The following FMO4 variants were observed in gnomAD, a reference collection of about 807,000 sequenced individuals.
FMO4 encodes the protein dimethylaniline monooxygenase [N-oxide-forming] 4.
A neutral mutation model predicts 43.3 loss-of-function variants in FMO4; 38 were observed. The ratio of observed to expected loss-of-function variants is 0.88; its 90% confidence interval spans 0.68 to 1.15. FMO4 has a LOEUF of 1.15. Ranked by LOEUF, FMO4 falls within the 50% of genes most tolerant of loss-of-function variation. The probability of loss-of-function intolerance (pLI) is 0.00; values close to 1 mark genes in which losing one functional copy is unlikely to be tolerated. For missense variants in FMO4, 631 were observed against 663.3 expected (o/e 0.95, Z 0.54); for synonymous variants, 224 against 232.2 (o/e 0.96, Z 0.32).
At position 171,314,222 on chromosome 1, in the gene FMO4, C is replaced by T. The variant is rs922146335; in HGVS notation, c.-342C>T. On this transcript the variant is annotated 5_prime_UTR_variant, in exon 1 of 10. Coordinates refer to ENST00000367749, the MANE Select transcript of FMO4 (RefSeq NM_002022.3). ...CCTTAGTCTGTATACTTTCTGCTGTCACTAGCATAACAGAAAAGACGAATG... is the reference window on the plus strand; with the variant it reads ...CCTTAGTCTGTATACTTTCTGCTGTTACTAGCATAACAGAAAAGACGAATG... 6.6e-6 allele frequency: 1 copy of T among 152,104 alleles called. No homozygotes were observed. The highest frequency in any genetic ancestry group is 2.4e-5 in the African/African-American group (1 of 41,414). The allele number at this position is 152,104 out of a possible 1,614,324, so 9.4% of individuals were successfully genotyped here.
Position 171,324,125 on chromosome 1 carries a change from C to G in FMO4, c.322-13C>G. ...GTGTTAGTGAGAAGTGAGTGTTTGT[C>G]TTTCACTTTTAGACCACTGTGTGCA... On this transcript the variant is annotated splice_polypyrimidine_tract_variant and intron_variant, in intron 4 of 9. Transcript: ENST00000367749. 2.5e-6 allele frequency: 4 copies of G among 1,600,870 alleles called. No individual in the cohort carries two copies. The highest frequency in any genetic ancestry group is 3.4e-6 in the Non-Finnish European group (4 of 1,174,068).
intron 2 of FMO4, among the ~76,000 whole-genome samples, chr1:171,317,901 G>A (rs1470897107): frequency 6.6e-6 from 1 of 152,164 alleles, no homozygotes; most frequent in Admixed American, 6.5e-5. Context: ...CTAGGATTCA[G>A]AGGCAAAGTG....
chr1:171,336,880 G>A (rs927506710), intron 8 of FMO4, among the ~76,000 whole-genome samples: 1 of 151,964 alleles, frequency 6.6e-6, no homozygotes, highest in Admixed American at 6.6e-5. Flanking sequence ...GGGGTTATAG[G>A]CATGAGCCAC....
At chr1:171,321,579 C>T (rs1662428495) in intron 3 of FMO4, among the ~76,000 whole-genome samples, 1 of 152,182 alleles carries the variant, frequency 6.6e-6, no homozygotes, top group Non-Finnish European at 1.5e-5. Context: ...ACGTTCAATA[C>T]ATATGGAAGC....
In FMO4 at chr1:171,341,541, A is replaced by C. The variant is rs779547888; in HGVS notation, c.1379A>C (p.Glu460Ala). The C allele has an allele frequency of 3.7e-6, 6 of 1,613,940 alleles. No homozygotes were observed. In the East Asian group the frequency reaches 1.3e-4, roughly 36 times the overall value. ...CTCAAGGATCCCAGACTAGCTTGGG[A>C]AGTTTTCTTTGGACCATGTACTCCT... ...LFLKDPRLAWEVFFGPCTPYQ... is the reference protein window; with the variant it reads ...LFLKDPRLAWAVFFGPCTPYQ... Residue 460 changes from glutamate (E) to alanine (A), a missense_variant, in exon 10 of 10, where the codon GAA becomes GCA. By Grantham distance (107) the Glu-to-Ala change is moderately radical (BLOSUM62 -1). Transcript: ENST00000367749.
At chr1:171,328,867 T>C (rs1662785493) in intron 5 of FMO4, among the ~76,000 whole-genome samples, 1 of 152,110 alleles carries the variant, frequency 6.6e-6, no homozygotes, top group African/African-American at 2.4e-5. Flanking sequence ...CTCAGGCAGT[T>C]TTCTGCTTAT....
intron 9 of FMO4, 89 bp from the exon 10 acceptor site, chr1:171,341,324 A>C: frequency 3.2e-6 from 3 of 927,996 alleles, no homozygotes; most frequent in Non-Finnish European, 4.8e-6. Flanking sequence ...AAATGTAACA[A>C]AATGGTGGGA....
intron 1 of FMO4, 143 bp downstream of exon 1, chr1:171,314,556 G>A (rs1662120984): frequency 6.6e-6 from 1 of 152,142 alleles, no homozygotes; most frequent in South Asian, 2.1e-4. Flanking sequence ...GCTAAAGCAA[G>A]AGAATTAAGG....
At chr1:171,320,995 G>A (rs570091416) in intron 3 of FMO4, among the ~76,000 whole-genome samples, 42 of 151,836 alleles carry the variant, frequency 2.8e-4, no homozygotes, top group African/African-American at 1.0e-3. Context: ...AACAGAATAA[G>A]CAACTACATA....
chr1:171,327,729 AT>A (rs1662724885), intron 5 of FMO4, among the ~76,000 whole-genome samples: 1 of 152,158 alleles, frequency 6.6e-6, no homozygotes, highest in African/African-American at 2.4e-5. Context: ...AGCCTGGGCA[AT>A]ATGGTGAAAC....
At chr1:171,336,612 G>A (rs546843208) in intron 8 of FMO4, among the ~76,000 whole-genome samples, 50 of 151,772 alleles carry the variant, frequency 3.3e-4, no homozygotes, top group African/African-American at 1.2e-3. Flanking sequence ...TATAAAGTGG[G>A]TTTTTTTTAG....
At position 171,335,195 on chromosome 1, in the gene FMO4, ACTTT is replaced by A. The variant is rs1293009924; in HGVS notation, c.1180+435_1180+438del. On this transcript the variant is annotated intron_variant, in intron 8 of 9. Coordinates refer to ENST00000367749, the MANE Select transcript of FMO4 (RefSeq NM_002022.3). ...AAAAATATTTTAGACACTGGAAACT[ACTTT>A]CTGTCAATTATGCAATAAGAGCATA... Among the ~76,000 whole-genome samples, 11 of 152,334 alleles carry A rather than the reference ACTTT, an allele frequency of 7.2e-5. 1 individual carries two copies. In the South Asian group the frequency reaches 1.9e-3, roughly 26 times the overall value.
chr1:171,333,168 T>C (rs1404344960), intron 7 of FMO4: 1 of 318,836 alleles, frequency 3.1e-6, no homozygotes, highest in Non-Finnish European at 5.8e-6. Flanking sequence ...GTTACAAATA[T>C]CACATATTTT....
At chr1:171,338,572 C>T (rs563053568) in intron 9 of FMO4, among the ~76,000 whole-genome samples, 3 of 152,276 alleles carry the variant, frequency 2.0e-5, no homozygotes, top group East Asian at 1.9e-4. Context: ...AGAACCTTTA[C>T]GCTCTACTCT....
chr1:171,333,821 T>A (rs1571408266), intron 7 of FMO4, among the ~76,000 whole-genome samples: 1 of 152,100 alleles, frequency 6.6e-6, no homozygotes, highest in Non-Finnish European at 1.5e-5. Context: ...TGAAAATATG[T>A]ATCAGTATAA....
chr1:171,339,940 G>T (rs909394516), intron 9 of FMO4, among the ~76,000 whole-genome samples: 1 of 152,158 alleles, frequency 6.6e-6, no homozygotes, highest in South Asian at 2.1e-4. Flanking sequence ...CATTGAAATC[G>T]CTGATGAAGA....
In FMO4 at chr1:171,341,720, G is replaced by A. The variant is rs772753816; in HGVS notation, c.1558G>A (p.Ala520Thr). 1.1e-5 allele frequency: 17 copies of A among 1,613,634 alleles called. No homozygotes were observed. The African/African-American group carries it at 1.9e-4, about 18-fold the overall frequency. ...SMSHYLKAWG[A>T]PVLLASLLLI... ...GTCACATTATTTAAAAGCCTGGGGG[G>A]CACCTGTCCTACTTGCCTCTCTTCT... The change falls in exon 10 of 10, where the codon GCA becomes ACA. Residue 520 changes from alanine (A) to threonine (T), a missense_variant. Coordinates refer to ENST00000367749, the MANE Select transcript of FMO4 (RefSeq NM_002022.3).
chr1:171,320,438 T>C (rs1258097837), intron 3 of FMO4, among the ~76,000 whole-genome samples: 1 of 152,108 alleles, frequency 6.6e-6, no homozygotes, highest in African/African-American at 2.4e-5. Flanking sequence ...GAAGGCCTTG[T>C]GGGAGGGGGA....
chr1:171,318,409 G>A (rs769676344), intron 2 of FMO4, among the ~76,000 whole-genome samples: 40 of 151,992 alleles, frequency 2.6e-4, no homozygotes, highest in Non-Finnish European at 4.3e-4. Context: ...CTAGCACTTT[G>A]GGAGGCCAAG....
Sources: gnomAD v4.1 joint callset for allele counts (sites outside exome capture counted in the v4.1 genomes callset) on GRCh38, gnomAD v4.1.1 for gene constraint, MANE v1.5 for transcripts, NCBI Gene and HGNC (gene_info 2026-07-23, HGNC 2026-07-21) for gene names.